Variants in FBXO11 observed in about 807,000 individuals in gnomAD.
The protein encoded by FBXO11 is F-box protein 11.
FBXO11 carries 13 observed loss-of-function variants against 117.0 expected under a neutral mutation model. The observed-to-expected ratio is 0.11, with a 90% CI of 0.07 to 0.18. The LOEUF is 0.18. FBXO11 is among the 10% of genes least tolerant of loss of function. The pLI is 1.00. For missense variants in FBXO11, 767 were observed against 1,164.4 expected, an observed-to-expected ratio of 0.66 and a Z score of 4.97; for synonymous variants, 490 against 380.5, an observed-to-expected ratio of 1.29 and a Z score of -3.35.
chr2:47,866,716 C>T (rs1675226727), intron 1 of FBXO11, among the ~76,000 whole-genome samples: 1 of 152,114 alleles, frequency 6.6e-6, no homozygotes, highest in Non-Finnish European at 1.5e-5. Flanking sequence ...TCGTGATCTG[C>T]CCACCTCGGC....
chr2:47,813,065 T>C (rs1670736180), intron 18 of FBXO11, 169 bp downstream of exon 18: 2 of 695,840 alleles, frequency 2.9e-6, no homozygotes, highest in Non-Finnish European at 5.1e-6. Flanking sequence ...ATTGTAAACA[T>C]TTGTCTCTTA....
chr2:47,880,048 T>C (rs1045660610), intron 1 of FBXO11, among the ~76,000 whole-genome samples: 10 of 151,450 alleles, frequency 6.6e-5, no homozygotes, highest in Non-Finnish European at 1.2e-4. Flanking sequence ...CAGGTTGGAG[T>C]GTAGTGGTGC....
At chr2:47,867,596 T>A (rs559470050) in intron 1 of FBXO11, among the ~76,000 whole-genome samples, 1 of 152,216 alleles carries the variant, frequency 6.6e-6, no homozygotes, top group Non-Finnish European at 1.5e-5. Flanking sequence ...TTTAGTGATA[T>A]AGATTTGAGA....
intron 1 of FBXO11, among the ~76,000 whole-genome samples, chr2:47,860,254 T>C (rs1674654497): frequency 6.6e-6 from 1 of 152,190 alleles, no homozygotes; most frequent in Admixed American, 6.5e-5. Flanking sequence ...GTGCCCTGAC[T>C]AGCTAACTCA....
At chr2:47,898,865 G>A (rs1014149961) in intron 1 of FBXO11, among the ~76,000 whole-genome samples, 2 of 151,848 alleles carry the variant, frequency 1.3e-5, no homozygotes, top group Admixed American at 6.6e-5. Context: ...AAGATTAGGT[G>A]ATATAAATCA....
intron 1 of FBXO11, among the ~76,000 whole-genome samples, chr2:47,901,121 G>C (rs1433719968): frequency 1.2e-5 from 1 of 81,098 alleles, no homozygotes; most frequent in Non-Finnish European, 2.5e-5. Context: ...ATGTACACAC[G>C]TGTGTACATG....
chr2:47,832,557 A>C lies in FBXO11; in HGVS notation c.1260+15T>G, dbSNP rs748392153. 4 of 1,607,250 alleles carry C rather than the reference A, an allele frequency of 2.5e-6. No individual in the cohort carries two copies. Among genetic ancestry groups the C allele is most frequent in the Non-Finnish European group, 3.4e-6 (4 of 1,177,614 alleles). On this transcript the variant is annotated intron_variant, in intron 10 of 22. Transcript: ENST00000403359. ...TTTTCTAAAAAGAAAAAAACCACAC[A>C]AAATTAAAAAATACCTGTGCATGAT...
chr2:47,816,043 G>C lies in FBXO11; in HGVS notation c.2007-2176C>G, dbSNP rs930261910. 3.9e-5 allele frequency among the ~76,000 whole-genome samples: 6 copies of C among 152,206 alleles called. No individual in the cohort carries two copies. In the East Asian group the frequency reaches 7.7e-4, roughly 20 times the overall value. ...CCTGAAAACATCCCCCTGCTGTCTAGATCAGCCTGCCCCATGGCCAAGGGC... is the reference window on the plus strand; with the variant it reads ...CCTGAAAACATCCCCCTGCTGTCTACATCAGCCTGCCCCATGGCCAAGGGC... On this transcript the variant is annotated intron_variant, in intron 16 of 22. Transcript: ENST00000403359.
intron 1 of FBXO11, among the ~76,000 whole-genome samples, chr2:47,868,059 A>G (rs998863815): frequency 6.6e-6 from 1 of 152,140 alleles, no homozygotes; most frequent in African/African-American, 2.4e-5. Context: ...GAAGAACTTA[A>G]GGCCCACACA....
chr2:47,878,595 T>C (rs1015624474), intron 1 of FBXO11, among the ~76,000 whole-genome samples: 14 of 151,392 alleles, frequency 9.2e-5, no homozygotes, highest in Admixed American at 5.3e-4. Flanking sequence ...GACCTCGAAC[T>C]CCTCAATCTG....
chr2:47,901,094 T>C (rs57372212), intron 1 of FBXO11, among the ~76,000 whole-genome samples: 1,655 of 114,726 alleles, frequency 0.014, 51 homozygotes, highest in African/African-American at 0.047. Context: ...TACATATATA[T>C]ACATATATAT....
chr2:47,889,989 A>G (rs1677141377), intron 1 of FBXO11, among the ~76,000 whole-genome samples: 3 of 152,252 alleles, frequency 2.0e-5, no homozygotes, highest in Admixed American at 6.5e-5. Flanking sequence ...TACAGTCGCA[A>G]ACTTATCCTG....
At chr2:47,840,152 C>G (rs1672907078) in intron 1 of FBXO11, among the ~76,000 whole-genome samples, 1 of 151,836 alleles carries the variant, frequency 6.6e-6, no homozygotes, top group Non-Finnish European at 1.5e-5. Flanking sequence ...ATCGTGGTAG[C>G]CAGGATGGTC....
intron 1 of FBXO11, among the ~76,000 whole-genome samples, chr2:47,858,213 T>A (rs943262920): frequency 6.6e-6 from 1 of 151,868 alleles, no homozygotes; most frequent in Non-Finnish European, 1.5e-5. Flanking sequence ...TTTCGCCATG[T>A]TGGCCAGGCT....
intron 1 of FBXO11, among the ~76,000 whole-genome samples, chr2:47,840,830 G>A (rs1243683012): frequency 1.3e-5 from 2 of 148,536 alleles, no homozygotes; most frequent in African/African-American, 2.5e-5. Flanking sequence ...CCATCTATGA[G>A]TTCATAATAA....
intron 1 of FBXO11, among the ~76,000 whole-genome samples, chr2:47,888,380 C>A (rs1176412220): frequency 6.6e-6 from 1 of 152,140 alleles, no homozygotes; most frequent in Non-Finnish European, 1.5e-5. Context: ...TCTATAATAC[C>A]ATTCCTGACT....
rs961884745 is a variant in FBXO11, at chr2:47,856,541, G to T, written c.233-16772C>A. Among the ~76,000 whole-genome samples the T allele has an allele frequency of 2.0e-5, 3 of 152,148 alleles. No individual in the cohort carries two copies. The East Asian group carries it at 5.8e-4, about 29-fold the overall frequency. ...GATAGTAGGAAACTTGGAAAAACTT[G>T]AGGACATAAAAGGCTGTAAGTGGTA... On this transcript the variant is annotated intron_variant, in intron 1 of 22. Transcript: ENST00000403359.
chr2:47,897,632 G>C (rs934599385), intron 1 of FBXO11, among the ~76,000 whole-genome samples: 7 of 150,000 alleles, frequency 4.7e-5, no homozygotes, highest in African/African-American at 7.4e-5. Context: ...AGGAGGCAGA[G>C]GTTGCAGTGA....
In FBXO11 at chr2:47,904,176, T is replaced by C. The variant is rs184883320; in HGVS notation, c.232+1313A>G. ...ATGTATAATTTTAAAAAACATTTAA[T>C]CTCAATCCCTTTAACCAATGGAGGT... On this transcript the variant is annotated intron_variant, in intron 1 of 22. Transcript: ENST00000403359. 8.5e-5 allele frequency among the ~76,000 whole-genome samples: 13 copies of C among 152,332 alleles called. No individual in the cohort carries two copies. In the East Asian group the frequency reaches 2.5e-3, roughly 29 times the overall value.
Sources: allele counts gnomAD v4.1 joint callset (sites outside exome capture counted in the v4.1 genomes callset), GRCh38; gene constraint gnomAD v4.1.1; transcripts MANE v1.5; gene names NCBI Gene and HGNC (gene_info 2026-07-23, HGNC 2026-07-21).